PBRM1: variants seen among roughly 807,000 people sequenced by gnomAD.
The protein encoded by PBRM1 is protein polybromo-1.
In PBRM1, 27 loss-of-function variants were observed where a neutral mutation model predicts 194.5. The ratio of observed to expected loss-of-function variants is 0.14; its 90% CI spans 0.10 to 0.19. The LOEUF is 0.19. PBRM1 is among the 10% of genes least tolerant of loss of function. PBRM1 has a pLI of 1.00. For missense variants in PBRM1, 1,466 were observed against 2,077.2 expected, an observed-to-expected ratio of 0.71 and a Z score of 5.72; for synonymous variants, 655 against 693.2, an observed-to-expected ratio of 0.94 and a Z score of 0.87.
At chr3:52,549,695 A>G (rs974223009) in intron 29 of PBRM1, among the ~76,000 whole-genome samples, 2 of 152,048 alleles carry the variant, frequency 1.3e-5, no homozygotes, top group African/African-American at 2.4e-5. Context: ...ACCTGAGGTC[A>G]GGAGTTCGAG....
At chr3:52,600,996 G>A (rs2093951725) in intron 17 of PBRM1, among the ~76,000 whole-genome samples, 1 of 152,164 alleles carries the variant, frequency 6.6e-6, no homozygotes, top group African/African-American at 2.4e-5. Flanking sequence ...TTTTGGAGGT[G>A]TAATTATTTC....
chr3:52,603,453 A>G, intron 17 of PBRM1, 68 bp downstream of exon 19: 1 of 1,502,192 alleles, frequency 6.7e-7, no homozygotes, highest in Non-Finnish European at 9.0e-7. Context: ...TCTTTTCCAC[A>G]GCTAATTATG....
At chr3:52,656,622 G>A (rs2336148) in intron 5 of PBRM1, among the ~76,000 whole-genome samples, 51,480 of 152,118 alleles carry the variant, frequency 0.34, 9,716 homozygotes, top group Admixed American at 0.46. Context: ...CCAAGATCAC[G>A]CCATTGCACT....
chr3:52,606,307 C>T (rs2094348000), intron 16 of PBRM1, among the ~76,000 whole-genome samples: 1 of 152,046 alleles, frequency 6.6e-6, no homozygotes, highest in Admixed American at 6.6e-5. Flanking sequence ...CTGTACCTGG[C>T]CCCTAAAACA....
intron 20 of PBRM1, among the ~76,000 whole-genome samples, chr3:52,584,854 T>C (rs543077028): frequency 2.0e-5 from 3 of 152,138 alleles, no homozygotes; most frequent in Non-Finnish European, 4.4e-5. Context: ...AGTAAGCCCC[T>C]TTGTCCAGTG....
chr3:52,648,696 A>G (rs963314867), intron 6 of PBRM1, among the ~76,000 whole-genome samples: 3 of 152,256 alleles, frequency 2.0e-5, no homozygotes, highest in Admixed American at 2.0e-4. Context: ...CAATTTTTAA[A>G]AAGTCAAATA....
intron 13 of PBRM1, among the ~76,000 whole-genome samples, chr3:52,619,139 C>G (rs542939431): frequency 6.6e-6 from 1 of 152,318 alleles, no homozygotes; most frequent in Non-Finnish European, 1.5e-5. Flanking sequence ...GGTGATCCGC[C>G]CACCTTGGCC....
intron 10 of PBRM1, among the ~76,000 whole-genome samples, chr3:52,641,446 C>CAAAAAAAAAAAAAAAAAAAAAAAAAA (rs386396638): frequency 5.7e-5 from 4 of 69,930 alleles, no homozygotes; most frequent in African/African-American, 6.0e-5. Context: ...GACTCCATCT[C>CAAAAAAAAAAAAAAAAAAAAAAAAAA]AAAAAAAAAA....
chr3:52,639,916 T>C (rs996976557), intron 10 of PBRM1, among the ~76,000 whole-genome samples: 2 of 152,280 alleles, frequency 1.3e-5, no homozygotes, highest in African/African-American at 2.4e-5. Flanking sequence ...TCAGCAGCAA[T>C]AGGAAACAAA....
chr3:52,571,854 CCCAAAAAAAAA>C (rs1364151586), intron 22 of PBRM1, among the ~76,000 whole-genome samples: 20 of 36,666 alleles, frequency 5.5e-4, no homozygotes, highest in African/African-American at 1.2e-3. Context: ...ACCTCATCTC[CCCAAAAAAAAA>C]AAAAAAAAAA....
chr3:52,648,764 A>C (rs560272531), intron 6 of PBRM1, among the ~76,000 whole-genome samples: 1 of 152,346 alleles, frequency 6.6e-6, no homozygotes, highest in South Asian at 2.1e-4. Context: ...GCACAGTTCT[A>C]AGTGCTTCAT....
chr3:52,610,459 T>C lies in PBRM1; in HGVS notation c.1925-504A>G, dbSNP rs141338608. Among the ~76,000 whole-genome samples, 485 of 152,348 alleles carry C rather than the reference T, an allele frequency of 3.2e-3. 3 individuals are homozygous for C. The highest frequency in any genetic ancestry group is 0.011 in the African/African-American group (451 of 41,570). On this transcript the variant is annotated intron_variant, in intron 15 of 29. Coordinates refer to ENST00000296302, the Ensembl canonical transcript of PBRM1. ...AACAATGACTACCTCAGTAGCAGTA[T>C]AGCCCACATTAGAGTTTTAAAATAC...
At chr3:52,561,056 A>T (rs910782542) in intron 25 of PBRM1, among the ~76,000 whole-genome samples, 1 of 152,126 alleles carries the variant, frequency 6.6e-6, no homozygotes, top group Non-Finnish European at 1.5e-5. Context: ...GCTTACTACT[A>T]ATTTCTTTAC....
exon 15 of PBRM1, chr3:52,615,369 A>G (rs770885191): frequency 6.2e-6 from 10 of 1,607,812 alleles, no homozygotes; most frequent in Non-Finnish European, 8.5e-6. Flanking sequence ...AGTTTGGGAG[A>G]AGCCATGTCA....
intron 2 of PBRM1, among the ~76,000 whole-genome samples, chr3:52,677,182 A>G (rs2097124580): frequency 6.6e-6 from 1 of 152,230 alleles, no homozygotes; most frequent in African/African-American, 2.4e-5. Context: ...GGCACAGGCA[A>G]CAAGAGAAAA....
intron 24 of PBRM1, among the ~76,000 whole-genome samples, chr3:52,562,490 G>A (rs952995089): frequency 6.6e-6 from 1 of 151,358 alleles, no homozygotes; most frequent in African/African-American, 2.4e-5. Context: ...TGAATTCCAT[G>A]GGTGCAATCT....
chr3:52,606,291 G>A (rs1169809744), intron 16 of PBRM1, among the ~76,000 whole-genome samples: 1 of 152,124 alleles, frequency 6.6e-6, no homozygotes, highest in South Asian at 2.1e-4. Flanking sequence ...TTACAGGTGT[G>A]AGCCACTGTA....
chr3:52,575,407 G>A (rs2089184923), intron 22 of PBRM1, among the ~76,000 whole-genome samples: 1 of 150,362 alleles, frequency 6.7e-6, no homozygotes, highest in South Asian at 2.1e-4. Context: ...AAAGAAACAA[G>A]AAGGCACAGC....
intron 17 of PBRM1, among the ~76,000 whole-genome samples, chr3:52,593,361 C>T (rs1023900924): frequency 9.2e-5 from 14 of 152,050 alleles, no homozygotes; most frequent in Non-Finnish European, 1.8e-4. Flanking sequence ...CTCAGCCTTC[C>T]GAATAGCTGG....
Sources: gnomAD v4.1 joint callset for allele counts (sites outside exome capture counted in the v4.1 genomes callset) on GRCh38, gnomAD v4.1.1 for gene constraint, MANE v1.5 for transcripts, NCBI Gene and HGNC (gene_info 2026-07-23, HGNC 2026-07-21) for gene names.